TLL2: variants seen among roughly 807,000 people sequenced by gnomAD.
The protein encoded by TLL2 is tolloid-like protein 2.
TLL2 carries 106 observed loss-of-function variants against 123.0 expected under a neutral mutation model. The observed-to-expected ratio is 0.86, with a 90% CI of 0.74 to 1.01. The LOEUF is 1.01. TLL2 is among the 50% of genes least tolerant of loss of function. The pLI is 0.00. For synonymous variants in TLL2, 494 were observed against 516.8 expected, an observed-to-expected ratio of 0.96 and a Z score of 0.60; for missense variants, 1,332 against 1,336.7, an observed-to-expected ratio of 1.00 and a Z score of 0.06.
At position 96,422,728 on chromosome 10, in the gene TLL2, C is replaced by T; in HGVS notation, c.639-1G>A. On this transcript the variant is annotated splice_acceptor_variant, in intron 5 of 20. Coordinates refer to ENST00000357947, the MANE Select transcript of TLL2 (RefSeq NM_012465.4). LOFTEE classifies it high-confidence loss of function. The stretch of plus-strand genomic sequence containing the variant: ...TCGGCGCCCAACATAGGAGCAACAG[C>T]TGGACAATTGCAGGAATACCCAGGT... 1 of 1,614,150 alleles carries T rather than the reference C, an allele frequency of 6.2e-7. No homozygotes were observed. The highest frequency in any genetic ancestry group is 8.5e-7 in the Non-Finnish European group (1 of 1,180,028).
rs775487589 is a variant in TLL2 at position 96,481,670 on chromosome 10, G to A, written c.176-1211C>T. Among the ~76,000 whole-genome samples the A allele has an allele frequency of 3.3e-5, 5 of 152,186 alleles. No homozygotes were observed. In the East Asian group the frequency reaches 7.7e-4, roughly 23 times the overall value. On this transcript the variant is annotated intron_variant, in intron 1 of 20. Transcript: ENST00000357947. ...GGAAGGCAGATGATGAACTGAATGC[G>A]CTATGGTTTCAAATGAAGACATGGA...
At position 96,491,454 on chromosome 10, in the gene TLL2, T is replaced by TTGGC. The variant is rs1369771063; in HGVS notation, c.176-10996_176-10995insGCCA. ...CACGAAAATGCCCTCAGCTCCAGTCTTGACTGACCCCACTAGACCTTCAAC... is the reference window on the plus strand; with the variant it reads ...CACGAAAATGCCCTCAGCTCCAGTCTTGGCTGACTGACCCCACTAGACCTTCAAC... On this transcript the variant is annotated intron_variant, in intron 1 of 20. Transcript: ENST00000357947. 3.9e-5 allele frequency among the ~76,000 whole-genome samples: 6 copies of TTGGC among 152,052 alleles called. No individual in the cohort carries two copies. In the East Asian group the frequency reaches 1.2e-3, roughly 29 times the overall value.
Position 96,459,669 on chromosome 10 carries a change from CAAAAAA to C in TLL2, c.287-13507_287-13502del, listed in dbSNP as rs1165594084. On this transcript the variant is annotated intron_variant, in intron 2 of 20. Coordinates refer to ENST00000357947, the MANE Select transcript of TLL2 (RefSeq NM_012465.4). ...TGAGTGACAGAGCAAGATCCTGTTT[CAAAAAA>C]AAAAAAAAAAAAAAAAAAAAAAAAA... Among the ~76,000 whole-genome samples, 217 of 24,306 alleles carry C rather than the reference CAAAAAA, an allele frequency of 8.9e-3. 1 individual carries two copies. Among genetic ancestry groups the C allele is most frequent in the South Asian group, 0.018 (6 of 340 alleles). 15.9% of individuals were successfully genotyped at this position (24,306 alleles called of 152,430 possible). A position where few individuals can be genotyped will look rare whatever the true frequency, so the allele number is the denominator to read the frequency against.
intron 7 of TLL2, among the ~76,000 whole-genome samples, chr10:96,414,598 G>A (rs1377791824): frequency 2.6e-5 from 4 of 151,996 alleles, no homozygotes; most frequent in Admixed American, 2.0e-4. Flanking sequence ...CTGCTCCTAC[G>A]GCTTTTAACC....
chr10:96,453,973 A>T (rs2134090867), intron 2 of TLL2, among the ~76,000 whole-genome samples: 1 of 152,192 alleles, frequency 6.6e-6, no homozygotes, highest in East Asian at 1.9e-4. Flanking sequence ...GAACTAGATT[A>T]CATCATACAC....
chr10:96,395,029 G>C (rs1225312644), intron 13 of TLL2, among the ~76,000 whole-genome samples, 158 bp downstream of exon 13: 1 of 152,240 alleles, frequency 6.6e-6, no homozygotes, highest in African/African-American at 2.4e-5. Flanking sequence ...TGGGAACTCT[G>C]CTGGGGGCTC....
intron 2 of TLL2, among the ~76,000 whole-genome samples, chr10:96,456,685 C>A (rs1315039004): frequency 1.3e-5 from 2 of 152,212 alleles, no homozygotes; most frequent in Non-Finnish European, 2.9e-5. Flanking sequence ...CCACTGGATG[C>A]CCTCGGAGCC....
At chr10:96,448,516 C>T (rs1391195023) in intron 2 of TLL2, among the ~76,000 whole-genome samples, 1 of 152,096 alleles carries the variant, frequency 6.6e-6, no homozygotes, top group African/African-American at 2.4e-5. Context: ...TTTGGGCATT[C>T]GTTCATTCAA....
At chr10:96,429,498 G>T (rs1320284281) in intron 4 of TLL2, among the ~76,000 whole-genome samples, 1 of 152,204 alleles carries the variant, frequency 6.6e-6, no homozygotes, top group Non-Finnish European at 1.5e-5. Context: ...GATTGGAAGG[G>T]AGGGTAAAAA....
In TLL2 at chr10:96,480,332, G is replaced by A. The variant is rs754302209; in HGVS notation, c.286+17C>T. The A allele has an allele frequency of 3.7e-6, 6 of 1,606,446 alleles. No homozygotes were observed. The highest frequency in any genetic ancestry group is 2.2e-5 in the East Asian group (1 of 44,870). ...TCCCTCCCATCTGGGCAGGAGAAGG[G>A]AGGAAGCAGTACCTACCTGTGCTGT... On this transcript the variant is annotated intron_variant, in intron 2 of 20. Transcript: ENST00000357947.
intron 2 of TLL2, among the ~76,000 whole-genome samples, chr10:96,477,649 T>C (rs144560972): frequency 2.6e-5 from 4 of 152,362 alleles, no homozygotes; most frequent in African/African-American, 9.6e-5. Flanking sequence ...GCACATATTC[T>C]TTCTTTTCAT....
chr10:96,508,116 G>A (rs1847594263), intron 1 of TLL2, among the ~76,000 whole-genome samples: 1 of 152,158 alleles, frequency 6.6e-6, no homozygotes, highest in Middle Eastern at 3.2e-3. Flanking sequence ...AAGCTTCCAG[G>A]AGGCACCATG....
In TLL2 at chr10:96,421,168, G is replaced by A. The variant is rs1846617347; in HGVS notation, c.818-107C>T. ...ATAACAACTTCCCAGGGCTCTCTTG[G>A]CCCAATCAGTCAAATAACAGGGCTT... On this transcript the variant is annotated intron_variant, in intron 6 of 20. Coordinates refer to ENST00000357947, the MANE Select transcript of TLL2 (RefSeq NM_012465.4). 3.9e-6 allele frequency: 3 copies of A among 771,206 alleles called. No homozygotes were observed. In the African/African-American group the frequency reaches 5.2e-5, roughly 13 times the overall value. The allele number at this position is 771,206 out of a possible 1,614,324, so 47.8% of individuals were successfully genotyped here.
chr10:96,504,152 A>C (rs970412713), intron 1 of TLL2, among the ~76,000 whole-genome samples: 11 of 152,160 alleles, frequency 7.2e-5, no homozygotes, highest in African/African-American at 2.7e-4. Flanking sequence ...AGCTGAATGG[A>C]GGCTCAGGCC....
chr10:96,448,232 G>A (rs1429297106), intron 2 of TLL2, among the ~76,000 whole-genome samples: 3 of 152,284 alleles, frequency 2.0e-5, no homozygotes, highest in East Asian at 1.9e-4. Flanking sequence ...GCAGCTGCCG[G>A]GTGTTCGCTG....
intron 7 of TLL2, among the ~76,000 whole-genome samples, chr10:96,417,778 C>T (rs749155549): frequency 1.3e-5 from 2 of 152,140 alleles, no homozygotes; most frequent in Non-Finnish European, 2.9e-5. Flanking sequence ...AAGTGCCAGG[C>T]GTGTGACTGG....
chr10:96,493,038 A>G (rs1048708183), intron 1 of TLL2, among the ~76,000 whole-genome samples: 1 of 151,978 alleles, frequency 6.6e-6, no homozygotes, highest in Non-Finnish European at 1.5e-5. Context: ...GGTGTTTTAG[A>G]TCTCCTCTCA....
At chr10:96,506,427 G>T (rs549778581) in intron 1 of TLL2, among the ~76,000 whole-genome samples, 1 of 151,748 alleles carries the variant, frequency 6.6e-6, no homozygotes, top group Admixed American at 6.6e-5. Flanking sequence ...GTCCAGGCTG[G>T]GGAGTGCCCT....
At chr10:96,438,763 A>T (rs1846822022) in intron 3 of TLL2, among the ~76,000 whole-genome samples, 1 of 152,220 alleles carries the variant, frequency 6.6e-6, no homozygotes, top group Admixed American at 6.5e-5. Context: ...TGGTCTTTCG[A>T]CCATTGAGTA....
Sources: allele counts gnomAD v4.1 joint callset (sites outside exome capture counted in the v4.1 genomes callset), GRCh38; gene constraint gnomAD v4.1.1; transcripts MANE v1.5; gene names NCBI Gene and HGNC (gene_info 2026-07-23, HGNC 2026-07-21).